Variants in SLC12A1 observed in about 807,000 individuals in gnomAD.
SLC12A1 encodes the protein Na-K-2Cl cotransporter.
In SLC12A1, 89 loss-of-function variants were observed where a neutral mutation model predicts 130.4. The ratio of observed to expected loss-of-function variants is 0.68; its 90% CI spans 0.58 to 0.81. SLC12A1 has a LOEUF of 0.81. Among genes scored for constraint, SLC12A1 ranks in the 40% least tolerant of loss-of-function variants. The pLI, the probability that SLC12A1 is intolerant of heterozygous loss-of-function variation, is 0.00. For synonymous variants in SLC12A1, 499 were observed against 460.0 expected (o/e 1.08, Z -1.09); for missense variants, 1,310 against 1,336.4 (o/e 0.98, Z 0.31).
At chr15:48,279,322 C>A (rs969869339) in intron 20 of SLC12A1, among the ~76,000 whole-genome samples, 1 of 152,164 alleles carries the variant, frequency 6.6e-6, no homozygotes, top group African/African-American at 2.4e-5. Context: ...TGATTGTCAT[C>A]ATAGCTTTTC....
chr15:48,250,419 G>A (rs981416013), intron 14 of SLC12A1, among the ~76,000 whole-genome samples: 3 of 152,138 alleles, frequency 2.0e-5, no homozygotes, highest in Non-Finnish European at 4.4e-5. Context: ...AAATATAGAT[G>A]GCAGACCAAT....
intron 9 of SLC12A1, among the ~76,000 whole-genome samples, chr15:48,240,056 T>C (rs1301236472): frequency 9.7e-6 from 1 of 103,242 alleles, no homozygotes; most frequent in Non-Finnish European, 1.8e-5. Flanking sequence ...TATCCATATA[T>C]ATATATATAT....
At chr15:48,216,057 G>GT (rs1252202394) in intron 2 of SLC12A1, among the ~76,000 whole-genome samples, 2 of 152,178 alleles carry the variant, frequency 1.3e-5, no homozygotes, top group East Asian at 1.9e-4. Flanking sequence ...TACATTTGGG[G>GT]TTTTTTTCCC....
chr15:48,216,792 T>C (rs1159296136), intron 2 of SLC12A1, among the ~76,000 whole-genome samples: 2 of 152,176 alleles, frequency 1.3e-5, no homozygotes, highest in African/African-American at 2.4e-5. Context: ...ATTTCAGTTA[T>C]GAAAAAAATG....
chr15:48,280,604 C>A (rs1334224245), intron 20 of SLC12A1, among the ~76,000 whole-genome samples: 1 of 152,114 alleles, frequency 6.6e-6, no homozygotes. Flanking sequence ...CTATGACATA[C>A]TACAGAATTA....
At chr15:48,267,098 C>A (rs2041839907) in intron 17 of SLC12A1, among the ~76,000 whole-genome samples, 1 of 152,166 alleles carries the variant, frequency 6.6e-6, no homozygotes, top group Non-Finnish European at 1.5e-5. Flanking sequence ...ACAAGATGTG[C>A]AGTTCATGGC....
At chr15:48,250,972 G>T (rs566538791) in intron 14 of SLC12A1, among the ~76,000 whole-genome samples, 42 of 152,212 alleles carry the variant, frequency 2.8e-4, no homozygotes, top group African/African-American at 9.9e-4. Context: ...ACGCACGTGC[G>T]CACTGTGAGA....
At chr15:48,265,252 T>C (rs2041820370) in intron 17 of SLC12A1, among the ~76,000 whole-genome samples, 1 of 152,184 alleles carries the variant, frequency 6.6e-6, no homozygotes, top group Non-Finnish European at 1.5e-5. Context: ...AGTTTAGGCA[T>C]TAAAGTAAAT....
chr15:48,295,365 T>G (rs544763784), intron 24 of SLC12A1, among the ~76,000 whole-genome samples: 1 of 152,302 alleles, frequency 6.6e-6, no homozygotes, highest in East Asian at 1.9e-4. Context: ...TCCTTCCCCT[T>G]CTTTCATAAT....
At chr15:48,232,627 CAGAT>C (rs1453190083) in intron 7 of SLC12A1, 96 bp from the exon 8 acceptor site, 8 of 776,950 alleles carry the variant, frequency 1.0e-5, no homozygotes, top group Admixed American at 1.9e-5. Context: ...ACTGAAATAT[CAGAT>C]AGAGTCTTTC....
Position 48,301,300 on chromosome 15 carries a change from G to T in SLC12A1, c.3097-15G>T. 13 of 1,583,984 alleles carry T rather than the reference G, an allele frequency of 8.2e-6. No individual in the cohort carries two copies. Among genetic ancestry groups the T allele is most frequent in the Non-Finnish European group, 1.1e-5 (13 of 1,160,396 alleles). On this transcript the variant is annotated splice_polypyrimidine_tract_variant and intron_variant, in intron 25 of 26. Transcript: ENST00000380993. ...TGGTAGAACTGTACTCAACAAATCT[G>T]AATGTTGCCCACAGAGTTACCGCCA...
chr15:48,228,071 T>C (rs1323549451), intron 5 of SLC12A1: 1 of 152,188 alleles, frequency 6.6e-6, no homozygotes, highest in Non-Finnish European at 1.5e-5. Flanking sequence ...TGTCTTTAGG[T>C]ATGTTGGTTT....
chr15:48,221,473 T>C, intron 4 of SLC12A1: 1 of 679,292 alleles, frequency 1.5e-6, no homozygotes, highest in East Asian at 2.7e-5. Context: ...TGTGTTACTT[T>C]CGGGTACCAG....
chr15:48,229,453 C>A (rs2041341594), intron 6 of SLC12A1, 125 bp downstream of exon 6: 5 of 925,730 alleles, frequency 5.4e-6, no homozygotes, highest in Non-Finnish European at 7.9e-6. Flanking sequence ...GTGGAAGGAG[C>A]CTGGGCTTGG....
chr15:48,243,393 C>T (rs2041540770), intron 10 of SLC12A1, among the ~76,000 whole-genome samples: 1 of 152,146 alleles, frequency 6.6e-6, no homozygotes. Context: ...TGCAGTGGCT[C>T]ACGCCTGTAA....
At chr15:48,258,525 C>T (rs966837724) in intron 16 of SLC12A1, among the ~76,000 whole-genome samples, 5 of 152,156 alleles carry the variant, frequency 3.3e-5, no homozygotes, top group South Asian at 2.1e-4. Flanking sequence ...CAAACTTTTA[C>T]GCATCTTCCT....
intron 2 of SLC12A1, among the ~76,000 whole-genome samples, chr15:48,218,579 T>C (rs1028980734): frequency 6.6e-6 from 1 of 152,162 alleles, no homozygotes; most frequent in Non-Finnish European, 1.5e-5. Context: ...ATAATAAATA[T>C]GGATGTTTAT....
rs186488940 is a variant in SLC12A1 at position 48,250,649 on chromosome 15, G to A, written c.1787-966G>A. On this transcript the variant is annotated intron_variant, in intron 14 of 26. Transcript: ENST00000380993. ...AACAGCATATAGAGGAAGACACATG[G>A]ATACACAAACCCAGAAAATGTCTGC... is the stretch of plus-strand genomic sequence containing the variant. 4.6e-5 allele frequency among the ~76,000 whole-genome samples: 6 copies of A among 130,958 alleles called. No individual in the cohort carries two copies. The East Asian group carries it at 1.1e-3, about 24-fold the overall frequency. The allele number at this position is 130,958 out of a possible 152,430, so 85.9% of individuals were successfully genotyped here. A position where few individuals can be genotyped will look rare whatever the true frequency, so the allele number is the denominator to read the frequency against.
At position 48,247,786 on chromosome 15, in the gene SLC12A1, C is replaced by T. The variant is rs999055530; in HGVS notation, c.1684+326C>T. 4.6e-5 allele frequency among the ~76,000 whole-genome samples: 7 copies of T among 152,192 alleles called. No homozygotes were observed. The East Asian group carries it at 1.3e-3, about 29-fold the overall frequency. ...CCATATCTACTGACCTGATGGCTAGCAGAATTGAATTGCCTGTTAGTGTTT... is the reference window on the plus strand; with the variant it reads ...CCATATCTACTGACCTGATGGCTAGTAGAATTGAATTGCCTGTTAGTGTTT... On this transcript the variant is annotated intron_variant, in intron 13 of 26. Coordinates refer to ENST00000380993, the MANE Select transcript of SLC12A1 (RefSeq NM_000338.3).
Sources: allele counts gnomAD v4.1 joint callset (sites outside exome capture counted in the v4.1 genomes callset), GRCh38; gene constraint gnomAD v4.1.1; transcripts MANE v1.5; gene names NCBI Gene and HGNC (gene_info 2026-07-23, HGNC 2026-07-21).